ANK2: variants seen among roughly 807,000 people sequenced by gnomAD.
The protein encoded by ANK2 is ankyrin-2.
ANK2 carries 83 observed loss-of-function variants against 360.5 expected under a neutral mutation model. The observed-to-expected ratio is 0.23, with a 90% CI of 0.19 to 0.28. The LOEUF (loss-of-function observed/expected upper bound fraction) is 0.28, where lower values mean the gene tolerates loss of function less well. Among genes scored for constraint, ANK2 ranks in the 10% least tolerant of loss-of-function variants. ANK2 has a pLI of 1.00. For synonymous variants in ANK2, 1,740 were observed against 1,759.5 expected (o/e 0.99, Z 0.28); for missense variants, 4,201 against 4,795.7 (o/e 0.88, Z 3.66).
chr4:112,732,337 A>G, the ANK2 span, among the ~76,000 whole-genome samples: 1 of 118,684 alleles, frequency 8.4e-6, no homozygotes, highest in Non-Finnish European at 1.7e-5. Flanking sequence ...GCAACCTGAA[A>G]CTACTCAAAC....
chr4:112,734,517 G>T, the ANK2 span, among the ~76,000 whole-genome samples: 1 of 152,108 alleles, frequency 6.6e-6, no homozygotes, highest in South Asian at 2.1e-4. Context: ...CCCTGTTAGG[G>T]GTGTATAAAA....
upstream of ANK2, among the ~76,000 whole-genome samples, chr4:112,816,648 ATTATT>A (rs1401619802): frequency 6.6e-6 from 1 of 152,180 alleles, no homozygotes; most frequent in Non-Finnish European, 1.5e-5. Flanking sequence ...ATATTTTGTG[ATTATT>A]TTATAGGAAA....
the ANK2 span, among the ~76,000 whole-genome samples, chr4:112,713,795 G>C: frequency 1.3e-5 from 2 of 151,892 alleles, no homozygotes; most frequent in African/African-American, 4.8e-5. Flanking sequence ...TTAGCCGGGC[G>C]TGGTGGCAGG....
chr4:112,946,934 G>A (rs1205923689), intron 2 of ANK2, among the ~76,000 whole-genome samples: 1 of 152,158 alleles, frequency 6.6e-6, no homozygotes, highest in Non-Finnish European at 1.5e-5. Flanking sequence ...CTTTTAAGTT[G>A]AAGAATAACA....
At chr4:112,878,856 C>T (rs1300065905) in intron 1 of ANK2, among the ~76,000 whole-genome samples, 1 of 152,038 alleles carries the variant, frequency 6.6e-6, no homozygotes, top group African/African-American at 2.4e-5. Context: ...ATCTCCTGAC[C>T]TCGTGATCTG....
At chr4:112,941,382 TAA>T (rs2154246739) in intron 2 of ANK2, among the ~76,000 whole-genome samples, 1 of 145,438 alleles carries the variant, frequency 6.9e-6, no homozygotes, top group East Asian at 2.0e-4. Flanking sequence ...ATATACATAT[TAA>T]AAAGAGTATG....
At chr4:112,781,049 G>T in the ANK2 span, among the ~76,000 whole-genome samples, 2 of 152,048 alleles carry the variant, frequency 1.3e-5, no homozygotes, top group African/African-American at 4.8e-5. Context: ...ACTCAGGCTG[G>T]AGTGCAGTGG....
rs567975295 is a variant in ANK2 at position 113,005,236 on chromosome 4, G to A, written c.21+100722G>A. 4.0e-5 allele frequency among the ~76,000 whole-genome samples: 6 copies of A among 150,312 alleles called. No homozygotes were observed. In the South Asian group the frequency reaches 9.0e-4, roughly 23 times the overall value. On this transcript the variant is annotated intron_variant, in intron 2 of 30. Coordinates refer to the ANK2 transcript ENST00000503271. ...CTATGACCCAGCAATTCCACCATTAGGTATGTATCCAAAGGAAAAAAAAAT... is the reference window on the plus strand; with the variant it reads ...CTATGACCCAGCAATTCCACCATTAAGTATGTATCCAAAGGAAAAAAAAAT...
At chr4:113,352,916 C>T in intron 37 of ANK2, 129 bp from the exon 38 acceptor site, 1 of 1,000,172 alleles carries the variant, frequency 1.0e-6, no homozygotes, top group African/African-American at 1.6e-5. Flanking sequence ...CCATTCCCAG[C>T]CCATTTTGTT....
chr4:112,833,255 T>A (rs903714105), intron 1 of ANK2, among the ~76,000 whole-genome samples: 2 of 152,228 alleles, frequency 1.3e-5, no homozygotes, highest in East Asian at 3.8e-4. Context: ...AATAATACGC[T>A]GAAATGCCAA....
intron 1 of ANK2, among the ~76,000 whole-genome samples, chr4:113,127,909 G>A (rs1281860994): frequency 6.6e-6 from 1 of 151,958 alleles, no homozygotes; most frequent in East Asian, 1.9e-4. Context: ...ATGGTTATCA[G>A]CACTCAACTA....
At chr4:113,008,194 T>C (rs2053559905) in intron 2 of ANK2, among the ~76,000 whole-genome samples, 1 of 152,072 alleles carries the variant, frequency 6.6e-6, no homozygotes, top group East Asian at 1.9e-4. Context: ...TTTCAGGATT[T>C]CCCAACTGCA....
chr4:113,121,344 A>C (rs2095340511), intron 1 of ANK2, among the ~76,000 whole-genome samples: 1 of 152,176 alleles, frequency 6.6e-6, no homozygotes, highest in East Asian at 1.9e-4. Flanking sequence ...TTGGTCTTGT[A>C]CCTACACTGG....
At chr4:113,226,519 C>A (rs1298814808) in intron 4 of ANK2, among the ~76,000 whole-genome samples, 2 of 152,112 alleles carry the variant, frequency 1.3e-5, no homozygotes, top group Non-Finnish European at 2.9e-5. Flanking sequence ...ATGGGTCTTT[C>A]ATCTGTGTTC....
chr4:113,338,309 C>G (rs1399400172), intron 31 of ANK2, among the ~76,000 whole-genome samples: 1 of 152,060 alleles, frequency 6.6e-6, no homozygotes, highest in Non-Finnish European at 1.5e-5. Context: ...CTTAATTTCT[C>G]AGTAGACATG....
At position 113,125,501 on chromosome 4, in the gene ANK2, C is replaced by G. The variant is rs181856330; in HGVS notation, c.85-48915C>G. On this transcript the variant is annotated intron_variant, in intron 1 of 45. Coordinates refer to ENST00000357077, the MANE Select transcript of ANK2 (RefSeq NM_001148.6). Reference sequence around the variant, plus strand: ...TATATTTATACAAAATTACCAGATACTTCTAAAGCTCCATAAAAACAAATT... The same window carrying G: ...TATATTTATACAAAATTACCAGATAGTTCTAAAGCTCCATAAAAACAAATT... Among the ~76,000 whole-genome samples the G allele has an allele frequency of 5.2e-4, 79 of 152,192 alleles. 1 individual carries two copies. Among genetic ancestry groups the G allele is most frequent in the African/African-American group, 1.8e-3 (73 of 41,544 alleles).
intron 2 of ANK2, among the ~76,000 whole-genome samples, chr4:112,983,815 G>A (rs1402666839): frequency 2.0e-5 from 3 of 152,124 alleles, no homozygotes; most frequent in African/African-American, 4.8e-5. Flanking sequence ...TTAGGAGAGC[G>A]GACAGCTGTC....
intron 2 of ANK2, among the ~76,000 whole-genome samples, chr4:112,998,702 AGATTCATCTGCT>A (rs1356655349): frequency 2.0e-5 from 3 of 152,228 alleles, no homozygotes; most frequent in African/African-American, 7.2e-5. Context: ...AAAGTTAAGC[AGATTCATCTGCT>A]GTGGGATTTC....
intron 32 of ANK2, among the ~76,000 whole-genome samples, chr4:113,340,534 A>G (rs1448688244): frequency 6.6e-6 from 1 of 152,160 alleles, no homozygotes; most frequent in Non-Finnish European, 1.5e-5. Flanking sequence ...CTCTCACAAA[A>G]AAGATACAAA....
Sources: allele counts gnomAD v4.1 joint callset (sites outside exome capture counted in the v4.1 genomes callset), GRCh38; gene constraint gnomAD v4.1.1; transcripts MANE v1.5; gene names NCBI Gene and HGNC (gene_info 2026-07-23, HGNC 2026-07-21).